DSCAM: variants seen among roughly 807,000 people sequenced by gnomAD.
The protein encoded by DSCAM is DS cell adhesion molecule.
Under a neutral mutation model 217.7 loss-of-function variants are expected in DSCAM, and 47 were observed. That is an observed-to-expected ratio of 0.22 (90% CI 0.17 to 0.28). The LOEUF (loss-of-function observed/expected upper bound fraction) is 0.28. Ranked by LOEUF, DSCAM falls within the 10% of genes least tolerant of loss-of-function variation. DSCAM has a pLI of 1.00. For missense variants in DSCAM, 2,080 were observed against 2,618.3 expected, an observed-to-expected ratio of 0.79 and a Z score of 4.49; for synonymous variants, 1,056 against 1,015.3, an observed-to-expected ratio of 1.04 and a Z score of -0.76.
intron 3 of DSCAM, among the ~76,000 whole-genome samples, chr21:40,561,069 A>G (rs1370039102): frequency 6.6e-6 from 1 of 152,238 alleles, no homozygotes; most frequent in East Asian, 1.9e-4. Flanking sequence ...TTGGGGAAAG[A>G]AGGAAAACTC....
At chr21:40,517,217 T>A (rs921156290) in intron 3 of DSCAM, among the ~76,000 whole-genome samples, 2 of 148,952 alleles carry the variant, frequency 1.3e-5, no homozygotes, top group African/African-American at 4.9e-5. Context: ...TATGCACACA[T>A]ATATATGCAT....
intron 3 of DSCAM, among the ~76,000 whole-genome samples, chr21:40,468,855 C>T (rs1415399820): frequency 6.6e-6 from 1 of 152,088 alleles, no homozygotes; most frequent in South Asian, 2.1e-4. Context: ...AAAAAAATTA[C>T]CTCCATCCAG....
chr21:40,843,611 T>C (rs9974222), intron 1 of DSCAM, among the ~76,000 whole-genome samples: 45,185 of 151,892 alleles, frequency 0.3, 7,873 homozygotes, highest in Non-Finnish European at 0.38. Flanking sequence ...GAGGGACGTG[T>C]GTGGGTGAGT....
At chr21:40,607,662 T>G (rs890324369) in intron 3 of DSCAM, among the ~76,000 whole-genome samples, 5 of 151,984 alleles carry the variant, frequency 3.3e-5, no homozygotes, top group African/African-American at 1.2e-4. Flanking sequence ...TCTCATGAGA[T>G]CTGATGTTTT....
chr21:40,584,476 A>T (rs2095937786), intron 3 of DSCAM, among the ~76,000 whole-genome samples: 1 of 152,136 alleles, frequency 6.6e-6, no homozygotes, highest in African/African-American at 2.4e-5. Flanking sequence ...AAAGCATAGA[A>T]ATCAGGAAGA....
intron 1 of DSCAM, among the ~76,000 whole-genome samples, chr21:40,816,303 C>A (rs1258444961): frequency 2.0e-5 from 3 of 152,060 alleles, no homozygotes; most frequent in Non-Finnish European, 4.4e-5. Flanking sequence ...TGCTAGATGC[C>A]CTTCCTACCC....
chr21:40,035,978 A>T (rs987894678), intron 32 of DSCAM, among the ~76,000 whole-genome samples: 1 of 147,188 alleles, frequency 6.8e-6, no homozygotes, highest in Non-Finnish European at 1.5e-5. Context: ...GAGAACAAAG[A>T]CACAACATAC....
At chr21:40,068,441 A>G (rs538523993) in intron 27 of DSCAM, among the ~76,000 whole-genome samples, 1 of 152,334 alleles carries the variant, frequency 6.6e-6, no homozygotes, top group Non-Finnish European at 1.5e-5. Context: ...CTCTCTGTAT[A>G]TAATATATAC....
At chr21:40,707,600 C>A (rs2090731872) in intron 2 of DSCAM, among the ~76,000 whole-genome samples, 1 of 152,148 alleles carries the variant, frequency 6.6e-6, no homozygotes, top group South Asian at 2.1e-4. Flanking sequence ...TTGCAAAGCT[C>A]CCCCAGCTAC....
intron 28 of DSCAM, among the ~76,000 whole-genome samples, chr21:40,057,429 C>T (rs2089043390): frequency 6.6e-6 from 1 of 152,162 alleles, no homozygotes; most frequent in Non-Finnish European, 1.5e-5. Context: ...GGAACTACTC[C>T]TCTGTGAATA....
At chr21:40,431,870 A>G (rs1291979639) in intron 3 of DSCAM, among the ~76,000 whole-genome samples, 1 of 152,164 alleles carries the variant, frequency 6.6e-6, no homozygotes, top group East Asian at 1.9e-4. Flanking sequence ...CCACCAACTT[A>G]GTGGCTTAAA....
Position 40,672,234 on chromosome 21 carries a change from GGAC to G in DSCAM, c.508+20573_508+20575del, listed in dbSNP as rs1389122402. Among the ~76,000 whole-genome samples the G allele has an allele frequency of 2.0e-5, 3 of 151,498 alleles. No homozygotes were observed. The East Asian group carries it at 5.8e-4, about 29-fold the overall frequency. On this transcript the variant is annotated intron_variant, in intron 3 of 32. Coordinates refer to ENST00000400454, the MANE Select transcript of DSCAM (RefSeq NM_001389.5). ...TTCAACATATATGGCTTTTAGAGAGGGACATAACATCAGTCCGTAGAAGGTGCT... is the reference window on the plus strand; with the variant it reads ...TTCAACATATATGGCTTTTAGAGAGGATAACATCAGTCCGTAGAAGGTGCT...
At chr21:40,112,097 A>C (rs1444472963) in intron 20 of DSCAM, among the ~76,000 whole-genome samples, 1 of 149,632 alleles carries the variant, frequency 6.7e-6, no homozygotes, top group African/African-American at 2.4e-5. Flanking sequence ...CTCCACCCCA[A>C]ATCAACAGAA....
At chr21:40,116,676 AT>A (rs1256698124) in intron 20 of DSCAM, among the ~76,000 whole-genome samples, 1 of 151,100 alleles carries the variant, frequency 6.6e-6, no homozygotes, top group Non-Finnish European at 1.5e-5. Context: ...TATCTCCATA[AT>A]TTTCAGATTT....
chr21:40,534,474 A>C (rs949237804), intron 3 of DSCAM, among the ~76,000 whole-genome samples: 2 of 152,154 alleles, frequency 1.3e-5, no homozygotes, highest in Admixed American at 1.3e-4. Context: ...AGCTGAAGGG[A>C]GTCTTCCTGC....
chr21:40,532,048 A>G (rs1041168384), intron 3 of DSCAM, among the ~76,000 whole-genome samples: 3 of 152,216 alleles, frequency 2.0e-5, no homozygotes, highest in African/African-American at 7.2e-5. Context: ...AAATATTTTC[A>G]AAAGACTCAA....
At chr21:40,655,570 G>A (rs2090065840) in intron 3 of DSCAM, among the ~76,000 whole-genome samples, 1 of 151,556 alleles carries the variant, frequency 6.6e-6, no homozygotes, top group East Asian at 2.0e-4. Flanking sequence ...AGCCTCCCAA[G>A]TGGCTAGGAC....
intron 20 of DSCAM, among the ~76,000 whole-genome samples, chr21:40,101,993 T>G (rs921575835): frequency 3.3e-5 from 5 of 152,066 alleles, no homozygotes; most frequent in Admixed American, 3.3e-4. Flanking sequence ...AATTACTGAG[T>G]TTCAATTAAT....
At chr21:40,327,777 A>AT (rs949042800) in intron 8 of DSCAM, among the ~76,000 whole-genome samples, 1 of 152,128 alleles carries the variant, frequency 6.6e-6, no homozygotes, top group African/African-American at 2.4e-5. Flanking sequence ...TTTGTCAAGT[A>AT]TTTTTCTACA....
Sources: gnomAD v4.1 joint callset for allele counts (sites outside exome capture counted in the v4.1 genomes callset) on GRCh38, gnomAD v4.1.1 for gene constraint, MANE v1.5 for transcripts, NCBI Gene and HGNC (gene_info 2026-07-23, HGNC 2026-07-21) for gene names.